Variants in SRGAP1 observed in about 807,000 individuals in gnomAD.
SRGAP1 encodes the protein SLIT-ROBO Rho GTPase-activating protein 1.
A neutral mutation model predicts 121.9 loss-of-function variants in SRGAP1; 43 were observed. The observed-to-expected ratio is 0.35, with a 90% CI of 0.28 to 0.46. The LOEUF is 0.46. Ranked by LOEUF, SRGAP1 falls within the 20% of genes least tolerant of loss-of-function variation. The probability of loss-of-function intolerance (pLI) is 1.00; values close to 1 mark genes in which losing one functional copy is unlikely to be tolerated. For synonymous variants in SRGAP1, 447 were observed against 485.4 expected (o/e 0.92, Z 1.04); for missense variants, 1,102 against 1,350.9 (o/e 0.82, Z 2.89).
At chr12:64,056,046 A>G (rs2035333969) in intron 6 of SRGAP1, among the ~76,000 whole-genome samples, 1 of 143,618 alleles carries the variant, frequency 7.0e-6, no homozygotes, top group African/African-American at 2.5e-5. Flanking sequence ...TACTGTCATC[A>G]TCCTCCACAC....
chr12:64,129,293 G>A (rs1228061774), intron 21 of SRGAP1, among the ~76,000 whole-genome samples: 1 of 152,146 alleles, frequency 6.6e-6, no homozygotes, highest in Non-Finnish European at 1.5e-5. Context: ...AGAACTTGGA[G>A]TCTGATGTTC....
chr12:63,969,822 C>G (rs957286210), intron 1 of SRGAP1, among the ~76,000 whole-genome samples: 2 of 151,670 alleles, frequency 1.3e-5, no homozygotes, highest in African/African-American at 4.8e-5. Context: ...ACTAAAAAAT[C>G]TACTGTCCTG....
chr12:63,956,020 A>G (rs2032452875), intron 1 of SRGAP1, among the ~76,000 whole-genome samples: 1 of 152,158 alleles, frequency 6.6e-6, no homozygotes, highest in Non-Finnish European at 1.5e-5. Flanking sequence ...CACACTTTTG[A>G]TAAGTCACTG....
Position 64,067,172 on chromosome 12 carries a change from G to A in SRGAP1, c.1125+1953G>A, listed in dbSNP as rs187330646. ...TGTTTGTGTTACCTGTCTGGCCTCC[G>A]CAGGCCTTTGAGTTTGTGATCCTTA... On this transcript the variant is annotated intron_variant, in intron 8 of 21. Coordinates refer to ENST00000355086, the MANE Select transcript of SRGAP1 (RefSeq NM_020762.4). Among the ~76,000 whole-genome samples, 13 of 152,262 alleles carry A rather than the reference G, an allele frequency of 8.5e-5. No individual in the cohort carries two copies. The East Asian group carries it at 2.3e-3, about 27-fold the overall frequency.
At position 64,149,675 on chromosome 12, in the gene SRGAP1, G is replaced by A. The variant is rs565030794; in HGVS notation, c.*7003G>A. ...ACCCTGTAAGAATCTTAGAAAGGCA[G>A]AGCAAGGGTGTTTGCTGGCTTCTGC... On this transcript the variant is annotated 3_prime_UTR_variant, in exon 22 of 22. Transcript: ENST00000355086. 4.8e-4 allele frequency: 73 copies of A among 152,328 alleles called. No homozygotes were observed. The highest frequency in any genetic ancestry group is 1.7e-3 in the African/African-American group (70 of 41,562). The allele number at this position is 152,328 out of a possible 1,614,324, so 9.4% of individuals were successfully genotyped here. A position where few individuals can be genotyped will look rare whatever the true frequency, so the allele number is the denominator to read the frequency against.
intron 21 of SRGAP1, among the ~76,000 whole-genome samples, chr12:64,136,810 T>C (rs2036863512): frequency 6.6e-6 from 1 of 152,254 alleles, no homozygotes; most frequent in Non-Finnish European, 1.5e-5. Context: ...TATAGCTGAA[T>C]TTAATGATTT....
chr12:63,908,144 C>T (rs951762942), intron 1 of SRGAP1, among the ~76,000 whole-genome samples: 1 of 151,764 alleles, frequency 6.6e-6, no homozygotes, highest in African/African-American at 2.4e-5. Context: ...AATGTGAGTC[C>T]TTTAACTTTG....
chr12:63,915,980 T>C (rs116326217), intron 1 of SRGAP1, among the ~76,000 whole-genome samples: 1 of 152,028 alleles, frequency 6.6e-6, no homozygotes. Flanking sequence ...CAAGTTTAAA[T>C]TCTAGGGCTT....
chr12:64,104,187 T>C (rs2136605263), intron 15 of SRGAP1, among the ~76,000 whole-genome samples: 1 of 152,346 alleles, frequency 6.6e-6, no homozygotes, highest in South Asian at 2.1e-4. Context: ...TAACTTGTGT[T>C]TTATGGTAAA....
intron 1 of SRGAP1, among the ~76,000 whole-genome samples, chr12:63,939,291 T>C (rs2031776479): frequency 6.6e-6 from 1 of 151,922 alleles, no homozygotes; most frequent in South Asian, 2.1e-4. Context: ...CGGGAGGATG[T>C]AAAGTAGAGG....
intron 21 of SRGAP1, among the ~76,000 whole-genome samples, chr12:64,140,467 A>C (rs1414584551): frequency 6.7e-5 from 10 of 149,876 alleles, no homozygotes; most frequent in East Asian, 3.9e-4. Flanking sequence ...CATCCCTTGT[A>C]AGTTGGATTC....
intron 12 of SRGAP1, among the ~76,000 whole-genome samples, chr12:64,092,498 A>G (rs533698700): frequency 2.4e-3 from 351 of 148,322 alleles, no homozygotes; most frequent in African/African-American, 8.8e-3. Context: ...ACATACATAC[A>G]TACATATGTA....
rs1433640940 is a variant in SRGAP1, at chr12:64,155,217, G to C, written c.*12545G>C. On this transcript the variant is annotated 3_prime_UTR_variant, in exon 22 of 22. Transcript: ENST00000355086. ...ATGCAACCATGCCCAGCTAGTTTTT[G>C]TATTTTTTTGTAGAGACGGGGTTTC... is the stretch of plus-strand genomic sequence containing the variant. 2 of 151,864 alleles carry C rather than the reference G, an allele frequency of 1.3e-5. No homozygotes were observed. Among genetic ancestry groups the C allele is most frequent in the Admixed American group, 1.3e-4 (2 of 15,234 alleles). The allele number at this position is 151,864 out of a possible 1,614,324, so 9.4% of individuals were successfully genotyped here. A position where few individuals can be genotyped will look rare whatever the true frequency, so the allele number is the denominator to read the frequency against.
intron 4 of SRGAP1, among the ~76,000 whole-genome samples, chr12:64,042,521 A>G (rs1252392375): frequency 6.6e-6 from 1 of 152,180 alleles, no homozygotes; most frequent in Admixed American, 6.6e-5. Context: ...TTTCAAGTAC[A>G]TTGAAAAGTA....
At chr12:64,005,704 G>A (rs2034058803) in intron 3 of SRGAP1, among the ~76,000 whole-genome samples, 2 of 151,560 alleles carry the variant, frequency 1.3e-5, no homozygotes, top group Non-Finnish European at 2.9e-5. Context: ...GATGGAGATT[G>A]CACAGATCTA....
intron 2 of SRGAP1, among the ~76,000 whole-genome samples, chr12:63,986,663 TC>T (rs2033424945): frequency 6.6e-6 from 1 of 152,192 alleles, no homozygotes; most frequent in Non-Finnish European, 1.5e-5. Context: ...CCTCAAGTGA[TC>T]CGCCTGCCTC....
chr12:64,032,129 A>C (rs1284924177), intron 4 of SRGAP1, among the ~76,000 whole-genome samples: 1 of 152,208 alleles, frequency 6.6e-6, no homozygotes, highest in Non-Finnish European at 1.5e-5. Flanking sequence ...TGAGTAAGAC[A>C]GGGTTTTATT....
intron 8 of SRGAP1, among the ~76,000 whole-genome samples, chr12:64,077,988 C>T (rs1036710054): frequency 3.3e-5 from 5 of 152,176 alleles, no homozygotes; most frequent in Admixed American, 2.6e-4. Context: ...TTGCCTTAAA[C>T]ATATGATAAT....
At chr12:63,936,032 G>C (rs1565957670) in intron 1 of SRGAP1, among the ~76,000 whole-genome samples, 1 of 152,178 alleles carries the variant, frequency 6.6e-6, no homozygotes, top group Admixed American at 6.5e-5. Context: ...CCTCTGATGA[G>C]AGTAGGAGTA....
Sources: gnomAD v4.1 joint callset for allele counts (sites outside exome capture counted in the v4.1 genomes callset) on GRCh38, gnomAD v4.1.1 for gene constraint, MANE v1.5 for transcripts, NCBI Gene and HGNC (gene_info 2026-07-23, HGNC 2026-07-21) for gene names.